Variants in PSMG2 observed in about 807,000 individuals in gnomAD.
PSMG2 encodes the protein CD40 ligand-activated specific transcript 3.
In PSMG2, 21 loss-of-function variants were observed where a neutral mutation model predicts 31.5. The ratio of observed to expected loss-of-function variants is 0.67; its 90% CI spans 0.47 to 0.96. The LOEUF (loss-of-function observed/expected upper bound fraction) is 0.96, where lower values mean the gene tolerates loss of function less well. PSMG2 is among the 40% of genes least tolerant of loss of function. PSMG2 has a pLI of 0.00. For synonymous variants in PSMG2, 120 were observed against 110.4 expected (o/e 1.09, Z -0.54); for missense variants, 318 against 321.2 (o/e 0.99, Z 0.08).
At chr18:12,701,260 C>T (rs958566578), upstream of PSMG2, 7 of 609,364 alleles carry the variant, frequency 1.1e-5, no homozygotes, top group African/African-American at 1.3e-4. Context: ...AAGAATGAAT[C>T]TTTTGAGTAC....
At chr18:12,721,355 C>T (rs1232953143) in intron 5 of PSMG2, among the ~76,000 whole-genome samples, 6 of 152,044 alleles carry the variant, frequency 3.9e-5, no homozygotes, top group Non-Finnish European at 7.4e-5. Context: ...CCTCTACACG[C>T]GCACTTTTTT....
intron 1 of PSMG2, among the ~76,000 whole-genome samples, chr18:12,705,564 A>AGTGTGTGT (rs1384396060): frequency 1.6e-5 from 2 of 127,020 alleles, no homozygotes; most frequent in Non-Finnish European, 3.3e-5. Context: ...AGAGAGAGAG[A>AGTGTGTGT]GAGAGAGAGA....
At chr18:12,710,818 G>A (rs2015197) in intron 2 of PSMG2, among the ~76,000 whole-genome samples, 22,940 of 152,156 alleles carry the variant, frequency 0.15, 1,830 homozygotes, top group Admixed American at 0.24. Context: ...GAATTGCATA[G>A]GCCGGGCACG....
rs117459695 is a variant in PSMG2, at chr18:12,713,702, A to G, written c.288+942A>G. On this transcript the variant is annotated intron_variant, in intron 3 of 6. Transcript: ENST00000317615. ...GCCAGTTCTTTTATCCCATAAGGGG[A>G]GGAAGTTTCAGTATTTTACCAAGTA... Among the ~76,000 whole-genome samples, 1,040 of 152,188 alleles carry G rather than the reference A, an allele frequency of 6.8e-3. 3 individuals are homozygous for G. The highest frequency in any genetic ancestry group is 0.012 in the Non-Finnish European group (790 of 67,998).
chr18:12,705,576 A>AGAGTGTGTGTGT (rs1465866538), intron 1 of PSMG2, among the ~76,000 whole-genome samples: 19 of 129,774 alleles, frequency 1.5e-4, no homozygotes, highest in African/African-American at 5.4e-4. Flanking sequence ...AGAGAGAGAG[A>AGAGTGTGTGTGT]GTGTGTGTGT....
chr18:12,686,539 T>C, intron 1 of PSMG2: 1 of 966,366 alleles, frequency 1.0e-6, no homozygotes. Context: ...GATAAAATAA[T>C]TCAGCATACC....
At chr18:12,666,436 GT>G (rs557490556) in intron 1 of PSMG2, among the ~76,000 whole-genome samples, 161 of 126,604 alleles carry the variant, frequency 1.3e-3, no homozygotes, top group South Asian at 2.1e-3. Context: ...AAATTTTATG[GT>G]TTTTTTTTTT....
At chr18:12,702,822 C>T, upstream of PSMG2, 1 of 561,380 alleles carries the variant, frequency 1.8e-6, no homozygotes, top group Non-Finnish European at 3.1e-6. Flanking sequence ...CCGCCCGCCG[C>T]TCCACCTCCC....
chr18:12,705,206 A>G (rs1356147119), intron 1 of PSMG2, among the ~76,000 whole-genome samples: 1 of 151,890 alleles, frequency 6.6e-6, no homozygotes, highest in East Asian at 1.9e-4. Flanking sequence ...CTGGGATTAT[A>G]GGCATGCACC....
Position 12,696,624 on chromosome 18 carries a change from T to C in PSMG2, c.-36-9926T>C, listed in dbSNP as rs565391053. 1.2e-4 allele frequency among the ~76,000 whole-genome samples: 19 copies of C among 152,232 alleles called. 1 individual carries two copies. The South Asian group carries it at 3.9e-3, about 32-fold the overall frequency. Reference sequence around the variant, plus strand: ...CCATTATATGTTATAGATAAAACATTGGTAGGTTTTGTTTTCTCATTTTAT... The same window carrying C: ...CCATTATATGTTATAGATAAAACATCGGTAGGTTTTGTTTTCTCATTTTAT... On this transcript the variant is annotated intron_variant, in intron 1 of 6. Coordinates refer to the PSMG2 transcript ENST00000585331.
At chr18:12,685,966 A>G (rs1033810372) in intron 1 of PSMG2, 1 of 205,500 alleles carries the variant, frequency 4.9e-6, no homozygotes, top group Non-Finnish European at 9.9e-6. Context: ...ACCTAAGCAC[A>G]TCCTCCTATA....
At position 12,724,485 on chromosome 18, in the gene PSMG2, T is replaced by A. The variant is rs564221743; in HGVS notation, c.582-14T>A. 6.3e-7 allele frequency: 1 copy of A among 1,586,056 alleles called. No homozygotes were observed. Among genetic ancestry groups the A allele is most frequent in the South Asian group, 1.2e-5 (1 of 86,092 alleles). ...CTATGAAAGAATACTGATTCTTATT[T>A]TTATTTCTTGTAGCTGTTCTAAAGA... On this transcript the variant is annotated splice_polypyrimidine_tract_variant and intron_variant, in intron 5 of 6. Transcript: ENST00000317615.
chr18:12,671,622 G>T (rs1371718400), intron 1 of PSMG2, among the ~76,000 whole-genome samples: 1 of 146,750 alleles, frequency 6.8e-6, no homozygotes, highest in African/African-American at 2.5e-5. Context: ...AATAAGTTGA[G>T]GAATCAGGTT....
At chr18:12,721,642 G>A (rs1315327096) in intron 5 of PSMG2, among the ~76,000 whole-genome samples, 1 of 151,930 alleles carries the variant, frequency 6.6e-6, no homozygotes, top group African/African-American at 2.4e-5. Context: ...GCTAGCTAAA[G>A]ATTTGTCAGT....
At chr18:12,678,255 C>T in intron 1 of PSMG2, 2 of 1,614,164 alleles carry the variant, frequency 1.2e-6, no homozygotes, top group Non-Finnish European at 1.7e-6. Flanking sequence ...ATTGCTTCCT[C>T]ACTCATGGGT....
chr18:12,681,975 AAC>A (rs776090953), intron 1 of PSMG2, among the ~76,000 whole-genome samples: 14 of 151,792 alleles, frequency 9.2e-5, no homozygotes, highest in Non-Finnish European at 1.6e-4. Flanking sequence ...CAGCCTGGAC[AAC>A]AGAGTGAGAC....
chr18:12,691,995 C>T (rs969537720), intron 1 of PSMG2, among the ~76,000 whole-genome samples: 1 of 151,902 alleles, frequency 6.6e-6, no homozygotes, highest in Non-Finnish European at 1.5e-5. Flanking sequence ...CTGGGATTAC[C>T]GCGCCTGGCC....
intron 1 of PSMG2, among the ~76,000 whole-genome samples, chr18:12,667,773 A>G (rs577079722): frequency 1.3e-4 from 19 of 149,532 alleles, no homozygotes; most frequent in South Asian, 4.2e-4. Flanking sequence ...AAAAAAAAAA[A>G]AAAAGAAAAG....
intron 1 of PSMG2, chr18:12,661,318 G>T: frequency 1.0e-6 from 1 of 973,078 alleles, no homozygotes; most frequent in Non-Finnish European, 1.2e-6. Context: ...CAAAAAAGAA[G>T]AAAAAAAATT....
Sources: allele counts gnomAD v4.1 joint callset (sites outside exome capture counted in the v4.1 genomes callset), GRCh38; gene constraint gnomAD v4.1.1; transcripts MANE v1.5; gene names NCBI Gene and HGNC (gene_info 2026-07-23, HGNC 2026-07-21).